Variants in KIF26B observed in about 807,000 individuals in gnomAD.
The protein encoded by KIF26B is kinesin family member 26B.
KIF26B carries 63 observed loss-of-function variants against 151.2 expected under a neutral mutation model. The observed-to-expected ratio is 0.42, with a 90% CI of 0.34 to 0.51. KIF26B has a LOEUF of 0.51. Ranked by LOEUF, KIF26B falls within the 20% of genes least tolerant of loss-of-function variation. The pLI is 0.07. For synonymous variants in KIF26B, 1,357 were observed against 1,262.1 expected, an observed-to-expected ratio of 1.08 and a Z score of -1.59; for missense variants, 2,813 against 2,913.6, an observed-to-expected ratio of 0.97 and a Z score of 0.79.
At chr1:245,243,820 T>C (rs1350811903) in intron 2 of KIF26B, among the ~76,000 whole-genome samples, 1 of 151,810 alleles carries the variant, frequency 6.6e-6, no homozygotes, top group Non-Finnish European at 1.5e-5. Flanking sequence ...CACTGCACTC[T>C]AGCCTGGGCA....
intron 4 of KIF26B, among the ~76,000 whole-genome samples, chr1:245,463,890 T>A (rs1432750256): frequency 6.6e-6 from 1 of 152,234 alleles, no homozygotes. Context: ...GGAATACTTG[T>A]GAGGTTTTTC....
At position 245,705,388 on chromosome 1, in the gene KIF26B, T is replaced by TA. The variant is rs1433090406; in HGVS notation, c.*2783dup. On this transcript the variant is annotated 3_prime_UTR_variant, in exon 15 of 15. Transcript: ENST00000407071. Reference sequence around the variant, plus strand: ...TGATGTGCTTGTTCCTGTCTCTGCCTATAAATTGACTGTATTGATGATGAA... The same window carrying TA: ...TGATGTGCTTGTTCCTGTCTCTGCCTAATAAATTGACTGTATTGATGATGAA... 1 of 152,160 alleles carries TA rather than the reference T, an allele frequency of 6.6e-6. No individual in the cohort carries two copies. Among genetic ancestry groups the TA allele is most frequent in the Non-Finnish European group, 1.5e-5 (1 of 68,036 alleles). The allele number at this position is 152,160 out of a possible 1,614,324, so 9.4% of individuals were successfully genotyped here.
chr1:245,660,462 T>C (rs2044123849), intron 10 of KIF26B, among the ~76,000 whole-genome samples: 1 of 151,222 alleles, frequency 6.6e-6, no homozygotes, highest in Non-Finnish European at 1.5e-5. Flanking sequence ...CTCAGCATCC[T>C]GAGTAGCTGG....
chr1:245,473,608 C>CA (rs1465111003), intron 4 of KIF26B, among the ~76,000 whole-genome samples: 18 of 151,680 alleles, frequency 1.2e-4, no homozygotes, highest in East Asian at 1.9e-4. Flanking sequence ...CGAAAGCAAG[C>CA]AAAAGAACCA....
At chr1:245,620,862 T>G (rs1014405491) in intron 9 of KIF26B, among the ~76,000 whole-genome samples, 1 of 152,220 alleles carries the variant, frequency 6.6e-6, no homozygotes, top group African/African-American at 2.4e-5. Context: ...GAAACACAGC[T>G]GACCTATTAA....
At chr1:245,235,061 TCCTCTGTCCCTA>T (rs1670079790) in intron 2 of KIF26B, among the ~76,000 whole-genome samples, 1 of 152,198 alleles carries the variant, frequency 6.6e-6, no homozygotes, top group African/African-American at 2.4e-5. Flanking sequence ...TTCGGCCTCC[TCCTCTGTCCCTA>T]CTGCGCTGGG....
chr1:245,184,050 G>GTTTTGTTTTTTTTGTTTTTTTTT (rs1553332273), intron 2 of KIF26B, among the ~76,000 whole-genome samples: 1 of 19,804 alleles, frequency 5.0e-5, no homozygotes, highest in Non-Finnish European at 9.9e-5. Flanking sequence ...GGGAGTTGTT[G>GTTTTGTTTTTTTTGTTTTTTTTT]TTTTTTTTTT....
At chr1:245,555,796 C>G (rs1662007784) in intron 5 of KIF26B, among the ~76,000 whole-genome samples, 1 of 152,160 alleles carries the variant, frequency 6.6e-6, no homozygotes, top group African/African-American at 2.4e-5. Context: ...GCCCTTCACC[C>G]AATCCGTATT....
rs370046954 is a variant in KIF26B, at chr1:245,686,628, C to G, written c.3645C>G (p.Ser1215Arg). The stretch of plus-strand genomic sequence containing the variant: ...CCACCAGCATCATCAGCTTCAACAG[C>G]GACTGCTCTGCACGGGCCCTGGCCT... ...GRPTSIISFNSDCSARALASG... is the reference protein window; with the variant it reads ...GRPTSIISFNRDCSARALASG... The change falls in exon 12 of 15, where the codon AGC (serine) becomes AGG (arginine). Residue 1215 changes from serine (S) to arginine (R), a missense_variant. Transcript: ENST00000407071. The surrounding 1 kb of genome is among the most constrained non-coding windows in gnomAD (Gnocchi z 5.6). 1.4e-5 allele frequency: 22 copies of G among 1,610,896 alleles called. No homozygotes were observed. Among genetic ancestry groups the G allele is most frequent in the Non-Finnish European group, 1.9e-5 (22 of 1,178,934 alleles).
intron 4 of KIF26B, among the ~76,000 whole-genome samples, chr1:245,494,868 T>TC (rs1660480394): frequency 1.4e-5 from 2 of 141,932 alleles, no homozygotes; most frequent in Non-Finnish European, 3.3e-5. Flanking sequence ...GGTGAAACTC[T>TC]GTCTCTATAA....
rs1047566428 is a variant in KIF26B at position 245,702,183 on chromosome 1, A to G, written c.6179-275A>G. Among the ~76,000 whole-genome samples the G allele has an allele frequency of 2.6e-5, 4 of 152,170 alleles. No homozygotes were observed. Among genetic ancestry groups the G allele is most frequent in the Non-Finnish European group, 5.9e-5 (4 of 68,032 alleles). ...TCCTGGGATCCATCCTGGATCCTCCATGGCTGGAGGTAGGGGGAGCTAGAA... is the reference window on the plus strand; with the variant it reads ...TCCTGGGATCCATCCTGGATCCTCCGTGGCTGGAGGTAGGGGGAGCTAGAA... On this transcript the variant is annotated intron_variant, in intron 14 of 14. Transcript: ENST00000407071. This position sits in a 1 kb window ranked among gnomAD's most constrained non-coding sequence, Gnocchi z 4.1.
At chr1:245,309,697 G>GAT (rs889351406) in intron 2 of KIF26B, among the ~76,000 whole-genome samples, 3 of 147,016 alleles carry the variant, frequency 2.0e-5, no homozygotes, top group Admixed American at 6.8e-5. Context: ...TATATATAGT[G>GAT]ATATATATAT....
chr1:245,253,083 C>T (rs1670472498), intron 2 of KIF26B, among the ~76,000 whole-genome samples: 1 of 147,818 alleles, frequency 6.8e-6, no homozygotes, highest in East Asian at 2.0e-4. Flanking sequence ...GATCTCGGCT[C>T]ACTGCAACTT....
chr1:245,194,872 A>C (rs1436293289), intron 2 of KIF26B, among the ~76,000 whole-genome samples: 4 of 152,186 alleles, frequency 2.6e-5, no homozygotes, highest in Non-Finnish European at 2.9e-5. Context: ...TGTGAAGTAC[A>C]TGTGTATGGG....
chr1:245,558,102 A>G (rs2103114232), intron 5 of KIF26B, among the ~76,000 whole-genome samples: 1 of 152,226 alleles, frequency 6.6e-6, no homozygotes, highest in South Asian at 2.1e-4. Flanking sequence ...GGAGGACTGG[A>G]GTGACTCCCA....
Position 245,706,363 on chromosome 1 carries a change from A to G in KIF26B, c.*3757A>G, listed in dbSNP as rs1267048971. The stretch of plus-strand genomic sequence containing the variant: ...AAACCAGCCACCTTCTTTGGATAGA[A>G]GGCAAGGCTGACAAATCTGCAGATT... On this transcript the variant is annotated 3_prime_UTR_variant, in exon 15 of 15. Transcript: ENST00000407071. 3 of 152,222 alleles carry G rather than the reference A, an allele frequency of 2.0e-5. No individual in the cohort carries two copies. The highest frequency in any genetic ancestry group is 7.2e-5 in the African/African-American group (3 of 41,458). The allele number at this position is 152,222 out of a possible 1,614,324, so 9.4% of individuals were successfully genotyped here.
chr1:245,469,950 C>G (rs1242210202), intron 4 of KIF26B, among the ~76,000 whole-genome samples: 1 of 151,380 alleles, frequency 6.6e-6, no homozygotes, highest in African/African-American at 2.4e-5. Flanking sequence ...GAAGGGAATT[C>G]TATGGGAGTT....
At chr1:245,294,958 C>T (rs922967640) in intron 2 of KIF26B, among the ~76,000 whole-genome samples, 14 of 152,126 alleles carry the variant, frequency 9.2e-5, no homozygotes, top group Non-Finnish European at 7.3e-5. Context: ...CCACTGTGCC[C>T]GGCTGGGTTC....
At chr1:245,556,364 T>C (rs550471761) in intron 5 of KIF26B, among the ~76,000 whole-genome samples, 81 of 120,742 alleles carry the variant, frequency 6.7e-4, no homozygotes, top group South Asian at 4.0e-3. Flanking sequence ...TCCTCCTCCT[T>C]CTTCTTCTTC....
Sources: gnomAD v4.1 joint callset for allele counts (sites outside exome capture counted in the v4.1 genomes callset) on GRCh38, gnomAD v4.1.1 for gene constraint, Gnocchi (gnomAD v3.1) non-coding constraint, MANE v1.5 for transcripts, NCBI Gene and HGNC (gene_info 2026-07-23, HGNC 2026-07-21) for gene names.